Variants in ANK2 observed in about 807,000 individuals in gnomAD.
ANK2 encodes ankyrin-2.
In ANK2, 83 loss-of-function variants were observed where a neutral mutation model predicts 360.5. The ratio of observed to expected loss-of-function variants is 0.23; its 90% CI spans 0.19 to 0.28. The LOEUF (loss-of-function observed/expected upper bound fraction) is 0.28. ANK2 is among the 10% of genes least tolerant of loss of function. The probability of loss-of-function intolerance (pLI) is 1.00; values close to 1 mark genes in which losing one functional copy is unlikely to be tolerated. For synonymous variants in ANK2, 1,740 were observed against 1,759.5 expected (o/e 0.99, Z 0.28); for missense variants, 4,201 against 4,795.7 (o/e 0.88, Z 3.66).
intron 31 of ANK2, among the ~76,000 whole-genome samples, chr4:113,337,768 T>C (rs2093737338): frequency 2.0e-5 from 3 of 152,208 alleles, no homozygotes. Context: ...GCTTCACTTA[T>C]GATCTCTTTC....
At chr4:113,004,806 G>T (rs930822862) in intron 2 of ANK2, among the ~76,000 whole-genome samples, 3 of 152,204 alleles carry the variant, frequency 2.0e-5, no homozygotes, top group African/African-American at 7.2e-5. Context: ...GTAATGTGCT[G>T]TGCTGTGACA....
intron 4 of ANK2, among the ~76,000 whole-genome samples, chr4:113,219,619 T>G (rs1254046346): frequency 6.6e-6 from 1 of 152,204 alleles, no homozygotes; most frequent in African/African-American, 2.4e-5. Context: ...ACTTTCTTAC[T>G]GAAAATGATC....
At chr4:112,909,959 C>A (rs2086560072) in intron 2 of ANK2, among the ~76,000 whole-genome samples, 2 of 152,044 alleles carry the variant, frequency 1.3e-5, no homozygotes, top group Admixed American at 6.6e-5. Flanking sequence ...CTATGATGGT[C>A]ATAGAATTAA....
chr4:113,237,582 AAAC>A lies in ANK2; in HGVS notation c.670-12_670-10del. 8.7e-6 allele frequency: 14 copies of A among 1,606,666 alleles called. No individual in the cohort carries two copies. Among genetic ancestry groups the A allele is most frequent in the Non-Finnish European group, 1.0e-5 (12 of 1,173,264 alleles). ...GTGTAATATCTTCCCTCTTTCTTCC[AAAC>A]AACACTGCTTCAGATGATGGTGAAT... On this transcript the variant is annotated splice_polypyrimidine_tract_variant and intron_variant, in intron 6 of 45. Transcript: ENST00000357077.
upstream of ANK2, among the ~76,000 whole-genome samples, chr4:113,048,422 C>T (rs193118712): frequency 4.0e-3 from 532 of 131,464 alleles, 20 homozygotes; most frequent in East Asian, 0.094. Flanking sequence ...CCTCCCCACA[C>T]CTGGCTAATT....
At chr4:112,970,447 C>T (rs537829258) in intron 2 of ANK2, among the ~76,000 whole-genome samples, 19 of 152,048 alleles carry the variant, frequency 1.2e-4, no homozygotes, top group African/African-American at 2.9e-4. Context: ...CTCTGCCTCC[C>T]GGCTTCAAGC....
intron 1 of ANK2, among the ~76,000 whole-genome samples, chr4:113,089,810 G>A (rs894177594): frequency 2.0e-5 from 3 of 151,692 alleles, no homozygotes; most frequent in Non-Finnish European, 2.9e-5. Context: ...GGTAACAAGA[G>A]CGAATCTCTG....
chr4:113,166,292 A>G (rs750967022), intron 1 of ANK2, among the ~76,000 whole-genome samples: 1 of 152,144 alleles, frequency 6.6e-6, no homozygotes, highest in Non-Finnish European at 1.5e-5. Flanking sequence ...ACATTTTATG[A>G]AGCCAAACTA....
intron 2 of ANK2, among the ~76,000 whole-genome samples, chr4:112,963,726 A>G (rs1444461452): frequency 6.6e-6 from 1 of 152,158 alleles, no homozygotes; most frequent in Non-Finnish European, 1.5e-5. Context: ...AATAATATTG[A>G]TAAAATATAA....
chr4:112,939,627 A>G (rs532803932), intron 2 of ANK2, among the ~76,000 whole-genome samples: 97 of 152,268 alleles, frequency 6.4e-4, no homozygotes, highest in Non-Finnish European at 4.4e-5. Flanking sequence ...TTCATTCTTT[A>G]AAAATACAAT....
At chr4:112,986,608 C>G (rs1161973336) in intron 2 of ANK2, among the ~76,000 whole-genome samples, 1 of 152,096 alleles carries the variant, frequency 6.6e-6, no homozygotes. Flanking sequence ...ATCTAAGATG[C>G]CTTTTACACT....
rs191138130 is a variant in ANK2 at position 113,198,872 on chromosome 4, C to G, written c.286-139C>G. 1,757 of 700,940 alleles carry G rather than the reference C, an allele frequency of 2.5e-3. 4 individuals carry two copies. The highest frequency in any genetic ancestry group is 4.8e-3 in the Admixed American group (190 of 39,774). The allele number at this position is 700,940 out of a possible 1,614,324, so 43.4% of individuals were successfully genotyped here. A position where few individuals can be genotyped will look rare whatever the true frequency, so the allele number is the denominator to read the frequency against. ...TTTTGATGGTAAAAAATAATCTCTT[C>G]GTAAGTGGGCTACTATCTTGATAAA... On this transcript the variant is annotated intron_variant, in intron 3 of 45. Transcript: ENST00000357077.
In ANK2 at chr4:112,971,528, T is replaced by C. The variant is rs2039524777; in HGVS notation, c.21+67014T>C. Among the ~76,000 whole-genome samples the C allele has an allele frequency of 2.6e-5, 4 of 152,196 alleles. No individual in the cohort carries two copies. In the South Asian group the frequency reaches 6.2e-4, roughly 24 times the overall value. On this transcript the variant is annotated intron_variant, in intron 2 of 30. Transcript: ENST00000503271. ...GTACGTAGGCTATAAGGGCATATTG[T>C]AATTGCTGTTTGAAAAGTGTTGTGA...
chr4:113,016,615 T>A (rs989672953), intron 2 of ANK2, among the ~76,000 whole-genome samples: 12 of 152,066 alleles, frequency 7.9e-5, no homozygotes, highest in African/African-American at 1.9e-4. Flanking sequence ...CCTCCACCTC[T>A]TGTGACAAGA....
In ANK2 at chr4:112,989,264, A is replaced by G. The variant is rs190062058; in HGVS notation, c.21+84750A>G. On this transcript the variant is annotated intron_variant, in intron 2 of 30. Transcript: ENST00000503271. ...TAATATAGCTGAAACTCATATAATTACTTCAATAGGACAATTTAATAATAT... is the reference window on the plus strand; with the variant it reads ...TAATATAGCTGAAACTCATATAATTGCTTCAATAGGACAATTTAATAATAT... 6.6e-4 allele frequency among the ~76,000 whole-genome samples: 101 copies of G among 152,330 alleles called. 1 individual carries two copies. Among genetic ancestry groups the G allele is most frequent in the African/African-American group, 2.2e-3 (90 of 41,570 alleles).
chr4:113,258,547 A>G, intron 13 of ANK2, 136 bp downstream of exon 13: 1 of 821,222 alleles, frequency 1.2e-6, no homozygotes, highest in Non-Finnish European at 2.1e-6. Context: ...TTGTAATAAC[A>G]CATTATTGAA....
chr4:113,250,707 A>C (rs1345151641), intron 10 of ANK2, among the ~76,000 whole-genome samples: 1 of 144,758 alleles, frequency 6.9e-6, no homozygotes, highest in Non-Finnish European at 1.5e-5. Flanking sequence ...AGTTAGACAA[A>C]GGGCAGTTGT....
chr4:113,135,122 T>G (rs1236613681), intron 1 of ANK2, among the ~76,000 whole-genome samples: 1 of 151,994 alleles, frequency 6.6e-6, no homozygotes, highest in East Asian at 1.9e-4. Flanking sequence ...TATTGTAGGC[T>G]GATAACTGTG....
At chr4:112,769,228 C>A in the ANK2 span, among the ~76,000 whole-genome samples, 1 of 152,118 alleles carries the variant, frequency 6.6e-6, no homozygotes, top group African/African-American at 2.4e-5. Flanking sequence ...GTGGAATATG[C>A]TCATGGTGAT....
Sources: gnomAD v4.1 joint callset for allele counts (sites outside exome capture counted in the v4.1 genomes callset) on GRCh38, gnomAD v4.1.1 for gene constraint, MANE v1.5 for transcripts, NCBI Gene and HGNC (gene_info 2026-07-23, HGNC 2026-07-21) for gene names.